CARNS1: variants seen among roughly 807,000 people sequenced by gnomAD.
The protein encoded by CARNS1 is ATP-grasp domain containing 1.
A neutral mutation model predicts 74.0 loss-of-function variants in CARNS1; 61 were observed. The observed-to-expected ratio is 0.82, with a 90% CI of 0.67 to 1.02. The LOEUF is 1.02. Ranked by LOEUF, CARNS1 falls within the 50% of genes least tolerant of loss-of-function variation. The pLI, the probability that CARNS1 is intolerant of heterozygous loss-of-function variation, is 0.00. For missense variants in CARNS1, 1,278 were observed against 1,308.4 expected, an observed-to-expected ratio of 0.98 and a Z score of 0.36; for synonymous variants, 568 against 605.5, an observed-to-expected ratio of 0.94 and a Z score of 0.91.
chr11:67,421,044 G>T lies in CARNS1; in HGVS notation c.1451G>T (p.Trp484Leu). Residue 484 changes from tryptophan to leucine, a missense_variant, in exon 9 of 10, where the codon TGG becomes TTG. Around this residue, in one of 3 missense-constraint regions of CARNS1, gnomAD observed 1,164 missense variants for 1,156.5 expected, o/e 1.01. Coordinates refer to ENST00000687366, the MANE Select transcript of CARNS1 (RefSeq NM_001166222.2). ...GCGTGCGGCGCGCTGGAGGGGCTGT[G>T]GGCCGCGCCGCGGCTGGGGCCGGCG... ...LEACGALEGL[W>L]AAPRLGPAAD... 2 of 1,359,142 alleles carry T rather than the reference G, an allele frequency of 1.5e-6. No individual in the cohort carries two copies. Among genetic ancestry groups the T allele is most frequent in the Non-Finnish European group, 1.9e-6 (2 of 1,066,740 alleles). The allele number at this position is 1,359,142 out of a possible 1,614,324, so 84.2% of individuals were successfully genotyped here.
At chr11:67,420,203 C>A (rs943375940) in intron 7 of CARNS1, among the ~76,000 whole-genome samples, 3 of 152,152 alleles carry the variant, frequency 2.0e-5, no homozygotes, top group Admixed American at 6.5e-5. Flanking sequence ...GCTGGAGAGT[C>A]AGGAAGGCTT....
chr11:67,417,474 GC>G lies in CARNS1; in HGVS notation c.75del (p.Trp26GlyfsTer73). The G allele has an allele frequency of 6.9e-7, 1 of 1,450,632 alleles. No individual in the cohort carries two copies. Among genetic ancestry groups the G allele is most frequent in the Non-Finnish European group, 9.1e-7 (1 of 1,104,490 alleles). The allele number at this position is 1,450,632 out of a possible 1,614,324, so 89.9% of individuals were successfully genotyped here. On this transcript the variant is annotated frameshift_variant, in exon 3 of 10. Coordinates refer to ENST00000687366, the MANE Select transcript of CARNS1 (RefSeq NM_001166222.2). LOFTEE classifies it high-confidence loss of function. ...PLGSKDLEEE[G>X]PWGGGSGLPP... ...GGCTCCAAGGACCTGGAGGAAGAGG[GC>G]CCCTGGGGAGGGGGCTCTGGCCTGC...
chr11:67,424,825 T>G lies in CARNS1; in HGVS notation c.*224T>G. The G allele has an allele frequency of 1.6e-5, 10 of 613,124 alleles. No homozygotes were observed. Among genetic ancestry groups the G allele is most frequent in the Admixed American group, 2.5e-5 (1 of 40,348 alleles). The allele number at this position is 613,124 out of a possible 1,614,324, so 38.0% of individuals were successfully genotyped here. ...CGAAGGCCCCAGTCCAGCCTACAGC[T>G]TCCCCAGCATTCTAGCCTTGGAGAA... On this transcript the variant is annotated 3_prime_UTR_variant, in exon 10 of 10. Coordinates refer to ENST00000687366, the MANE Select transcript of CARNS1 (RefSeq NM_001166222.2).
At position 67,419,585 on chromosome 11, in the gene CARNS1, G is replaced by A. The variant is rs368884705; in HGVS notation, c.951G>A (p.Ala317=). 40 of 1,606,026 alleles carry A rather than the reference G, an allele frequency of 2.5e-5. No individual in the cohort carries two copies. In the African/African-American group the frequency reaches 2.5e-4, roughly 10 times the overall value. The part of the protein sequence containing the change: ...ELGAVVDTVL[A]LLEKLEEEES... ...GTGCAGTGGTGGACACAGTGCTGGC[G>A]CTGCTGGAGAAGCTGGAGGAGGAGG... Residue 317 remains alanine (A), a synonymous_variant, in exon 6 of 10, where the codon GCG becomes GCA. Transcript: ENST00000687366.
At chr11:67,417,107 C>T in intron 2 of CARNS1, 1 of 1,153,462 alleles carries the variant, frequency 8.7e-7, no homozygotes, top group Non-Finnish European at 1.1e-6. Flanking sequence ...AACTCTGCTG[C>T]TGTGAAGCAA....
chr11:67,417,669 C>T lies in CARNS1; in HGVS notation c.266C>T (p.Pro89Leu). 3 of 1,257,114 alleles carry T rather than the reference C, an allele frequency of 2.4e-6. No homozygotes were observed. The highest frequency in any genetic ancestry group is 2.0e-6 in the Non-Finnish European group (2 of 999,456). 77.9% of individuals were successfully genotyped at this position (1,257,114 alleles called of 1,614,324 possible). A position where few individuals can be genotyped will look rare whatever the true frequency, so the allele number is the denominator to read the frequency against. Residue 89 changes from proline to leucine, a missense_variant, in exon 3 of 10, where the codon CCC becomes CTC. Physicochemically the swap from Pro to Leu is moderately conservative, Grantham distance 98. Transcript: ENST00000687366. ...GAGACTCAGGACCGCGGCCAGGTGC[C>T]CCGCACAGGTGCCCAAGGGCTCCCT... ...LPETQDRGQV[P>L]RTGCPGAEVT...
In CARNS1 at chr11:67,423,580, T is replaced by C; in HGVS notation, c.1832T>C (p.Leu611Pro). The C allele has an allele frequency of 6.2e-7, 1 of 1,610,870 alleles. No homozygotes were observed. The highest frequency in any genetic ancestry group is 1.1e-5 in the South Asian group (1 of 90,508). Reference sequence around the variant, plus strand: ...CTCACAGCCCTGCTCTGCCAGGAGCTAGGTCTGCCCTGCAGCTCCCCAGCT... The same window carrying C: ...CTCACAGCCCTGCTCTGCCAGGAGCCAGGTCTGCCCTGCAGCTCCCCAGCT... The part of the protein sequence containing the change: ...LVLTALLCQE[L>P]GLPCSSPAAM... The change falls in exon 10 of 10, where the codon CTA becomes CCA. Residue 611 changes from leucine (L) to proline (P), a missense_variant. Leu to Pro is a moderately conservative substitution (Grantham distance 98). Around this residue, in one of 3 missense-constraint regions of CARNS1, gnomAD observed 1,164 missense variants for 1,156.5 expected, o/e 1.01. Coordinates refer to ENST00000687366, the MANE Select transcript of CARNS1 (RefSeq NM_001166222.2). The surrounding 1 kb of genome is among the most constrained non-coding windows in gnomAD (Gnocchi z 5.1).
At chr11:67,421,964 T>C (rs1324709723) in intron 9 of CARNS1, among the ~76,000 whole-genome samples, 1 of 151,802 alleles carries the variant, frequency 6.6e-6, no homozygotes, top group Non-Finnish European at 1.5e-5. Flanking sequence ...CTCGGCTCAC[T>C]GCAACCTCCC....
At position 67,418,925 on chromosome 11, in the gene CARNS1, C is replaced by T. The variant is rs1431132073; in HGVS notation, c.534C>T (p.Gly178=). The T allele has an allele frequency of 5.0e-6, 8 of 1,585,016 alleles. No homozygotes were observed. Among genetic ancestry groups the T allele is most frequent in the Non-Finnish European group, 6.9e-6 (8 of 1,165,534 alleles). Residue 178 remains glycine, a synonymous_variant, in exon 5 of 10, where the codon GGC becomes GGT. Coordinates refer to ENST00000687366, the MANE Select transcript of CARNS1 (RefSeq NM_001166222.2). ...PPRRATYFLA[G]LGLGPGRGRE... is the part of the protein sequence containing the mutation. ...GCCGTGCCACCTACTTTTTGGCAGG[C>T]CTGGGCCTGGGGCCTGGCCGGGGCC...
intron 2 of CARNS1, chr11:67,417,153 G>A (rs1863563477): frequency 8.3e-7 from 1 of 1,209,432 alleles, no homozygotes; most frequent in Non-Finnish European, 1.0e-6. Flanking sequence ...GGGCGGGAGG[G>A]GCTGGCTGGC....
rs144609715 is a variant in CARNS1, at chr11:67,424,899, C to G, written c.*298C>G. On this transcript the variant is annotated 3_prime_UTR_variant, in exon 10 of 10. Transcript: ENST00000687366. ...CACACACACACACACACACCTCTGA[C>G]GCCAGCTCCCCAGGTGGGAGTGGGC... 1.8e-6 allele frequency: 1 copy of G among 559,466 alleles called. No homozygotes were observed. Among genetic ancestry groups the G allele is most frequent in the Non-Finnish European group, 3.2e-6 (1 of 310,446 alleles). 34.7% of individuals were successfully genotyped at this position (559,466 alleles called of 1,614,324 possible).
Position 67,417,607 on chromosome 11 carries a change from C to T in CARNS1, c.204C>T (p.Ser68=). The change falls in exon 3 of 10, where the codon AGC becomes AGT. Residue 68 remains serine, a synonymous_variant. Coordinates refer to ENST00000687366, the MANE Select transcript of CARNS1 (RefSeq NM_001166222.2). ...GGGCTTGGACTGTCTACTACTACAG[C>T]CTCCTGCAGAGCTGTCTGCAGCAAG... The part of the protein sequence containing the change: ...EARAWTVYYY[S]LLQSCLQQAG... The T allele has an allele frequency of 7.7e-7, 1 of 1,297,760 alleles. No homozygotes were observed. Among genetic ancestry groups the T allele is most frequent in the South Asian group, 2.2e-5 (1 of 44,532 alleles). The allele number at this position is 1,297,760 out of a possible 1,614,324, so 80.4% of individuals were successfully genotyped here. A position where few individuals can be genotyped will look rare whatever the true frequency, so the allele number is the denominator to read the frequency against.
rs201222265 is a variant in CARNS1, at chr11:67,419,487, G to A, written c.853G>A (p.Val285Ile). The A allele has an allele frequency of 6.7e-5, 108 of 1,612,164 alleles. No homozygotes were observed. In the African/African-American group the frequency reaches 1.2e-3, roughly 18 times the overall value. Residue 285 changes from valine to isoleucine, a missense_variant and splice_region_variant, in exon 6 of 10, where the codon GTA (valine) becomes ATA (isoleucine). Physicochemically the swap from Val to Ile is conservative, Grantham distance 29 (BLOSUM62 3). Transcript: ENST00000687366. ...RSEALGDILQVAVKLSGWRWR... is the reference protein window; with the variant it reads ...RSEALGDILQIAVKLSGWRWR... ...GGCCCCTTTCCCCTCCTTGCTGCAG[G>A]TAGCTGTGAAGCTCAGTGGCTGGCG...
chr11:67,421,280 C>G (rs1863697221), intron 9 of CARNS1, 61 bp downstream of exon 9: 1 of 1,373,886 alleles, frequency 7.3e-7, no homozygotes, highest in South Asian at 1.6e-5. Flanking sequence ...GGAGGCGGGA[C>G]CCCGGGGCGG....
chr11:67,419,905 T>G, intron 7 of CARNS1, 67 bp downstream of exon 7: 4 of 1,493,512 alleles, frequency 2.7e-6, no homozygotes, highest in Non-Finnish European at 3.6e-6. Context: ...CAGTAGTGGT[T>G]TGCCAAGGGC....
chr11:67,421,676 T>C (rs1399795313), intron 9 of CARNS1, among the ~76,000 whole-genome samples: 1 of 152,162 alleles, frequency 6.6e-6, no homozygotes, highest in African/African-American at 2.4e-5. Context: ...ATCAAGTTCA[T>C]AGCAGGGCAT....
rs1020874374 is a variant in CARNS1, at chr11:67,419,847, G to A, written c.1113+9G>A. On this transcript the variant is annotated intron_variant, in intron 7 of 9. Transcript: ENST00000687366. The stretch of plus-strand genomic sequence containing the variant: ...GGCCACTGCTGAGCAAGGTGAGCGT[G>A]GCCCAGGCCCAGGCTGTGACCCTGC... 1.9e-6 allele frequency: 3 copies of A among 1,564,236 alleles called. No individual in the cohort carries two copies. The highest frequency in any genetic ancestry group is 1.2e-5 in the South Asian group (1 of 85,130).
In CARNS1 at chr11:67,417,201, A is replaced by G. The variant is rs915555358; in HGVS notation, c.4-206A>G. On this transcript the variant is annotated intron_variant, in intron 2 of 9. Transcript: ENST00000687366. ...CCTGCCCTCCCCCCAGGGGCACCAC[A>G]CAGAACAGTTTACAAAGCACTCCCA... is the stretch of plus-strand genomic sequence containing the variant. 5.5e-5 allele frequency: 68 copies of G among 1,226,570 alleles called. No individual in the cohort carries two copies. In the African/African-American group the frequency reaches 9.6e-4, roughly 17 times the overall value. 76.0% of individuals were successfully genotyped at this position (1,226,570 alleles called of 1,614,324 possible). A position where few individuals can be genotyped will look rare whatever the true frequency, so the allele number is the denominator to read the frequency against.
At chr11:67,416,136 T>C (rs1590955967) in intron 1 of CARNS1, 40 bp from the exon 2 acceptor site, 1 of 1,295,652 alleles carries the variant, frequency 7.7e-7, no homozygotes, top group Non-Finnish European at 1.1e-6. Flanking sequence ...TTGGCTGCCC[T>C]GACTCCTTCG....
Sources: gnomAD v4.1 joint callset for allele counts (sites outside exome capture counted in the v4.1 genomes callset) on GRCh38, gnomAD v4.1.1 for gene constraint, gnomAD v4.1.1 regional missense constraint, Gnocchi (gnomAD v3.1) non-coding constraint, MANE v1.5 for transcripts, NCBI Gene and HGNC (gene_info 2026-07-23, HGNC 2026-07-21) for gene names.